Variants in TSPEAR observed in about 807,000 individuals in gnomAD.
TSPEAR encodes thrombospondin type laminin G domain and EAR repeats, also known as thrombospondin-type laminin G domain and EAR repeat-containing protein.
TSPEAR carries 69 observed loss-of-function variants against 71.6 expected under a neutral mutation model. That is an observed-to-expected ratio of 0.96 (90% CI 0.79 to 1.18). The LOEUF is 1.18. TSPEAR is among the 50% of genes most tolerant of loss of function. The pLI, the probability that TSPEAR is intolerant of heterozygous loss-of-function variation, is 0.00. For missense variants in TSPEAR, 971 were observed against 894.9 expected (o/e 1.09, Z -1.09); for synonymous variants, 402 against 387.2 (o/e 1.04, Z -0.45).
At position 44,620,428 on chromosome 21, in the gene TSPEAR, C is replaced by T. The variant is rs146929946; in HGVS notation, c.83-52423G>A. 2.2e-4 allele frequency among the ~76,000 whole-genome samples: 33 copies of T among 152,294 alleles called. 2 individuals are homozygous for T. In the East Asian group the frequency reaches 5.8e-3, roughly 27 times the overall value. ...AGTTTGTATGTTTATAGGAGTTTTT[C>T]CATTACATCTTGGTTATCTAATTTG... On this transcript the variant is annotated intron_variant, in intron 1 of 11. Coordinates refer to ENST00000323084, the MANE Select transcript of TSPEAR (RefSeq NM_144991.3).
At chr21:44,679,018 C>T (rs1002984383) in intron 1 of TSPEAR, among the ~76,000 whole-genome samples, 7 of 152,154 alleles carry the variant, frequency 4.6e-5, no homozygotes, top group African/African-American at 9.7e-5. Context: ...ACAACCTTGA[C>T]GTTATCCTAC....
chr21:44,599,495 G>A (rs1980629138), intron 1 of TSPEAR, among the ~76,000 whole-genome samples: 1 of 152,178 alleles, frequency 6.6e-6, no homozygotes, highest in Non-Finnish European at 1.5e-5. Flanking sequence ...GGCTATGGCT[G>A]GTCATCACTG....
At chr21:44,607,227 G>A (rs894762627) in intron 1 of TSPEAR, among the ~76,000 whole-genome samples, 23 of 152,146 alleles carry the variant, frequency 1.5e-4, no homozygotes, top group Non-Finnish European at 2.4e-4. Context: ...CTACAGGTGC[G>A]CGCCACTACA....
At chr21:44,698,714 C>G (rs782582169) in intron 1 of TSPEAR, among the ~76,000 whole-genome samples, 2 of 152,206 alleles carry the variant, frequency 1.3e-5, no homozygotes, top group Non-Finnish European at 2.9e-5. Flanking sequence ...TTCAGAGTCC[C>G]GGGACAAGCG....
chr21:44,552,769 C>T (rs743493), intron 2 of TSPEAR, among the ~76,000 whole-genome samples: 8 of 152,220 alleles, frequency 5.3e-5, no homozygotes, highest in South Asian at 2.1e-4. Context: ...ACACCTGCCT[C>T]GCCATTGTGA....
intron 1 of TSPEAR, among the ~76,000 whole-genome samples, chr21:44,686,164 C>A (rs1484754255): frequency 6.6e-6 from 1 of 152,194 alleles, no homozygotes; most frequent in Non-Finnish European, 1.5e-5. Context: ...CCTGGCCTCA[C>A]TGACAGCCCT....
At chr21:44,646,082 G>A (rs766070689) in intron 1 of TSPEAR, among the ~76,000 whole-genome samples, 20 of 114,064 alleles carry the variant, frequency 1.8e-4, no homozygotes, top group African/African-American at 3.4e-4. Context: ...CTGAGATCGC[G>A]CCACTGCACT....
chr21:44,605,507 G>C (rs1981249440), intron 1 of TSPEAR, among the ~76,000 whole-genome samples: 1 of 152,170 alleles, frequency 6.6e-6, no homozygotes, highest in Admixed American at 6.5e-5. Flanking sequence ...ACAGTTTTGA[G>C]TAGGAAGAAC....
In TSPEAR at chr21:44,579,635, A is replaced by AG. The variant is rs35478351; in HGVS notation, c.83-11631dup. On this transcript the variant is annotated intron_variant, in intron 1 of 11. Transcript: ENST00000323084. Reference sequence around the variant, plus strand: ...AGGATGGAGATTCCTGGGAGTATGGAGGGGGGGGTCACCTCAGCACATGGG... The same window carrying AG: ...AGGATGGAGATTCCTGGGAGTATGGAGGGGGGGGGTCACCTCAGCACATGGG... The AG allele has an allele frequency of 8.9e-3, 10,374 of 1,161,706 alleles. 497 individuals are homozygous for AG. The African/African-American group carries it at 0.13, about 14-fold the overall frequency. 72.0% of individuals were successfully genotyped at this position (1,161,706 alleles called of 1,614,324 possible).
intron 5 of TSPEAR, among the ~76,000 whole-genome samples, chr21:44,529,386 C>T (rs983674151): frequency 3.9e-5 from 6 of 151,926 alleles, no homozygotes; most frequent in African/African-American, 9.7e-5. Flanking sequence ...CCGACTGGGG[C>T]GGGCTGGTCT....
At chr21:44,689,554 C>T (rs1013683944) in intron 1 of TSPEAR, among the ~76,000 whole-genome samples, 20 of 150,394 alleles carry the variant, frequency 1.3e-4, no homozygotes, top group African/African-American at 4.9e-4. Flanking sequence ...GAAGATGTTA[C>T]ATCTACCAAA....
intron 2 of TSPEAR, chr21:44,558,908 G>A: frequency 1.3e-6 from 1 of 753,262 alleles, no homozygotes; most frequent in Non-Finnish European, 2.1e-6. Context: ...GCACTGTTGT[G>A]TTAGTAGTGT....
At chr21:44,550,508 G>A (rs1555918392) in intron 2 of TSPEAR, 7 of 927,644 alleles carry the variant, frequency 7.5e-6, no homozygotes. Flanking sequence ...GAGAAGCCAG[G>A]GCTCGCCCGC....
At chr21:44,504,984 G>A in intron 10 of TSPEAR, 103 bp from the exon 11 acceptor site, 4 of 807,914 alleles carry the variant, frequency 5.0e-6, no homozygotes, top group Non-Finnish European at 6.3e-6. Context: ...AGGAGCCGGG[G>A]CCAAAGTGGG....
intron 1 of TSPEAR, among the ~76,000 whole-genome samples, chr21:44,602,920 TGTC>T (rs2146155498): frequency 6.6e-6 from 1 of 152,210 alleles, no homozygotes; most frequent in Non-Finnish European, 1.5e-5. Context: ...GTGTGGCCTG[TGTC>T]CTCCTGGAGA....
In TSPEAR at chr21:44,615,561, T is replaced by TTGTTTTTG. The variant is rs1191032285; in HGVS notation, c.83-47557_83-47556insCAAAAACA. Among the ~76,000 whole-genome samples the TTGTTTTTG allele has an allele frequency of 5.6e-5, 8 of 141,862 alleles. 1 individual carries two copies. Among genetic ancestry groups the TTGTTTTTG allele is most frequent in the Admixed American group, 1.3e-4 (2 of 14,858 alleles). 93.1% of individuals were successfully genotyped at this position (141,862 alleles called of 152,430 possible). On this transcript the variant is annotated intron_variant, in intron 1 of 11. Transcript: ENST00000323084. ...TCCATAACCAAAGGTTTTTTTTTTT[T>TTGTTTTTG]TTTTAAATTTATTCTGTTTTTTTGG...
chr21:44,626,085 T>A (rs1248082337), intron 1 of TSPEAR, among the ~76,000 whole-genome samples: 3 of 152,252 alleles, frequency 2.0e-5, no homozygotes, highest in African/African-American at 7.2e-5. Flanking sequence ...CTTTGCCAGA[T>A]TCACAGCAAC....
intron 1 of TSPEAR, among the ~76,000 whole-genome samples, chr21:44,625,650 A>C (rs1434374856): frequency 1.3e-5 from 2 of 152,220 alleles, no homozygotes; most frequent in Non-Finnish European, 2.9e-5. Context: ...GGGGAGCGGC[A>C]TGGCCTCTCT....
At chr21:44,675,527 ATT>A (rs34151967) in intron 1 of TSPEAR, among the ~76,000 whole-genome samples, 9 of 150,810 alleles carry the variant, frequency 6.0e-5, no homozygotes, top group South Asian at 2.1e-4. Flanking sequence ...ACAAGGATGC[ATT>A]TTTTTTTTTC....
Sources: allele counts gnomAD v4.1 joint callset (sites outside exome capture counted in the v4.1 genomes callset), GRCh38; gene constraint gnomAD v4.1.1; transcripts MANE v1.5; gene names NCBI Gene and HGNC (gene_info 2026-07-23, HGNC 2026-07-21).